EIPR1: variants seen among roughly 807,000 people sequenced by gnomAD.
The protein encoded by EIPR1 is EARP and GARP complex-interacting protein 1.
Under a neutral mutation model 48.1 loss-of-function variants are expected in EIPR1, and 25 were observed. That is an observed-to-expected ratio of 0.52 (90% CI 0.38 to 0.73). The LOEUF is 0.73. Ranked by LOEUF, EIPR1 falls within the 30% of genes least tolerant of loss-of-function variation. The pLI is 0.00. For synonymous variants in EIPR1, 204 were observed against 201.9 expected (o/e 1.01, Z -0.09); for missense variants, 415 against 506.2 (o/e 0.82, Z 1.73).
At chr2:3,330,133 T>G (rs1233626597) in intron 3 of EIPR1, among the ~76,000 whole-genome samples, 1 of 152,244 alleles carries the variant, frequency 6.6e-6, no homozygotes, top group Non-Finnish European at 1.5e-5. Context: ...AGTGAGGAAC[T>G]AAATTCCATT....
In EIPR1 at chr2:3,291,718, T is replaced by C. The variant is rs116194014; in HGVS notation, c.260-34263A>G. Among the ~76,000 whole-genome samples, 1,092 of 152,330 alleles carry C rather than the reference T, an allele frequency of 7.2e-3. 13 individuals carry two copies. The highest frequency in any genetic ancestry group is 0.025 in the African/African-American group (1,054 of 41,564). ...CATCCTTTCTCTCATTTAATCTGTATAATAGACGTGGAAGTTATTACCTTT... is the reference window on the plus strand; with the variant it reads ...CATCCTTTCTCTCATTTAATCTGTACAATAGACGTGGAAGTTATTACCTTT... On this transcript the variant is annotated intron_variant, in intron 3 of 8. Coordinates refer to ENST00000382125, the MANE Select transcript of EIPR1 (RefSeq NM_003310.5).
intron 1 of EIPR1, among the ~76,000 whole-genome samples, chr2:3,355,622 G>A (rs1670703416): frequency 2.0e-5 from 3 of 152,080 alleles, no homozygotes; most frequent in Admixed American, 2.0e-4. Flanking sequence ...AACCAATCTG[G>A]GCAATATAGC....
intron 5 of EIPR1, among the ~76,000 whole-genome samples, chr2:3,200,206 C>T (rs11127384): frequency 0.91 from 138,600 of 152,088 alleles, 63,269 homozygotes; most frequent in East Asian, 0.98. Flanking sequence ...CAGCCCCAAG[C>T]GGATGGCTGC....
intron 4 of EIPR1, among the ~76,000 whole-genome samples, chr2:3,220,203 C>T (rs1011714969): frequency 1.3e-5 from 2 of 152,192 alleles, no homozygotes; most frequent in African/African-American, 4.8e-5. Context: ...TGCCATAGAG[C>T]ATTTACAATG....
intron 1 of EIPR1, among the ~76,000 whole-genome samples, chr2:3,376,807 C>G (rs995650783): frequency 2.0e-5 from 3 of 152,134 alleles, no homozygotes; most frequent in Admixed American, 2.0e-4. Flanking sequence ...CTATCTGTCC[C>G]TCAGTGCTTT....
intron 3 of EIPR1, among the ~76,000 whole-genome samples, chr2:3,309,448 G>A (rs1025498746): frequency 1.3e-5 from 2 of 152,120 alleles, no homozygotes; most frequent in Non-Finnish European, 2.9e-5. Flanking sequence ...GAAACAAAGA[G>A]AACAGAAAAC....
Position 3,192,544 on chromosome 2 carries a change from G to A in EIPR1, c.859C>T (p.Leu287=). Residue 287 remains leucine, a synonymous_variant, in exon 8 of 9, where the codon CTG becomes TTG. Transcript: ENST00000382125. ...NVRYNHSHDQ[L]VLTGSSDSRV... ...CTGTCACTGCTGCCCGTGAGGACCAGCTGGTCATGAGAGTGGTTGTAGCGG... is the reference window on the plus strand; with the variant it reads ...CTGTCACTGCTGCCCGTGAGGACCAACTGGTCATGAGAGTGGTTGTAGCGG... 1 of 1,612,764 alleles carries A rather than the reference G, an allele frequency of 6.2e-7. No homozygotes were observed. The highest frequency in any genetic ancestry group is 8.5e-7 in the Non-Finnish European group (1 of 1,179,800).
intron 3 of EIPR1, chr2:3,261,952 G>A (rs182160432): frequency 1.3e-5 from 2 of 152,336 alleles, no homozygotes; most frequent in African/African-American, 4.8e-5. Context: ...GTGTGGCTTT[G>A]CTGAATTCAC....
At chr2:3,357,836 T>C (rs116582719) in intron 1 of EIPR1, among the ~76,000 whole-genome samples, 2,501 of 152,304 alleles carry the variant, frequency 0.016, 75 homozygotes, top group African/African-American at 0.058. Context: ...CCAAGGAATG[T>C]GGGTGCCTCT....
chr2:3,259,453 A>G (rs1382234280), intron 3 of EIPR1, among the ~76,000 whole-genome samples: 1 of 152,204 alleles, frequency 6.6e-6, no homozygotes, highest in African/African-American at 2.4e-5. Flanking sequence ...CTCTCAGGTA[A>G]GCTACCTCCC....
intron 4 of EIPR1, among the ~76,000 whole-genome samples, chr2:3,255,753 T>C (rs546551424): frequency 6.6e-6 from 1 of 152,184 alleles, no homozygotes; most frequent in African/African-American, 2.4e-5. Flanking sequence ...CTGCGCAGAG[T>C]CTCACTCATC....
intron 3 of EIPR1, among the ~76,000 whole-genome samples, chr2:3,337,103 G>T (rs1451804793): frequency 2.1e-5 from 3 of 144,066 alleles, no homozygotes; most frequent in Non-Finnish European, 4.5e-5. Context: ...AGGGAAAAGG[G>T]AAAGAGATGG....
At position 3,198,457 on chromosome 2, in the gene EIPR1, C is replaced by G. The variant is rs367667734; in HGVS notation, c.517-1440G>C. 2.6e-5 allele frequency among the ~76,000 whole-genome samples: 4 copies of G among 152,208 alleles called. No homozygotes were observed. In the South Asian group the frequency reaches 8.3e-4, roughly 31 times the overall value. On this transcript the variant is annotated intron_variant, in intron 5 of 8. Coordinates refer to ENST00000382125, the MANE Select transcript of EIPR1 (RefSeq NM_003310.5). Reference sequence around the variant, plus strand: ...CAGGAAGAGCCACATCTTCACCTCCCACTCCGAAAGCCTGCTCTGATGCTT... The same window carrying G: ...CAGGAAGAGCCACATCTTCACCTCCGACTCCGAAAGCCTGCTCTGATGCTT...
intron 3 of EIPR1, among the ~76,000 whole-genome samples, chr2:3,303,089 G>A (rs1403413953): frequency 6.6e-6 from 1 of 152,242 alleles, no homozygotes; most frequent in Non-Finnish European, 1.5e-5. Context: ...GACAGCCAGT[G>A]CCCTTGTGTC....
In EIPR1 at chr2:3,218,864, T is replaced by C. The variant is rs200591393; in HGVS notation, c.417-4616A>G. On this transcript the variant is annotated intron_variant, in intron 4 of 8. Coordinates refer to ENST00000382125, the MANE Select transcript of EIPR1 (RefSeq NM_003310.5). The stretch of plus-strand genomic sequence containing the variant: ...GTCAGGTGCACACCCAACATGGCCC[T>C]GATACGCTCTAGAGCTTTCACAGTG... Among the ~76,000 whole-genome samples, 121 of 145,532 alleles carry C rather than the reference T, an allele frequency of 8.3e-4. 2 individuals carry two copies. The South Asian group carries it at 0.02, about 24-fold the overall frequency.
chr2:3,314,152 C>A (rs1225293013), intron 3 of EIPR1, among the ~76,000 whole-genome samples: 1 of 152,196 alleles, frequency 6.6e-6, no homozygotes, highest in Non-Finnish European at 1.5e-5. Context: ...TTCCCGAGGA[C>A]TCTGCGCCAG....
intron 1 of EIPR1, among the ~76,000 whole-genome samples, chr2:3,355,267 G>A (rs992698770): frequency 5.3e-5 from 8 of 152,158 alleles, no homozygotes; most frequent in African/African-American, 1.9e-4. Flanking sequence ...AAAAACCCAA[G>A]CACAGGGCCC....
At chr2:3,268,977 C>T (rs1667581933) in intron 3 of EIPR1, among the ~76,000 whole-genome samples, 1 of 152,186 alleles carries the variant, frequency 6.6e-6, no homozygotes, top group African/African-American at 2.4e-5. Flanking sequence ...CTGTGTGGGG[C>T]CTCTGGGAGG....
At position 3,194,104 on chromosome 2, in the gene EIPR1, T is replaced by C. The variant is rs1664709444; in HGVS notation, c.716A>G (p.Asn239Ser). ...GCAGCTGGCCAAGTAGTACTGCTTA[T>C]TGGGATTAAAGTCAAGGTCCCGCAC... ...QLVRDLDFNP[N>S]KQYYLASCGD... The change falls in exon 7 of 9, where the codon AAT becomes AGT. Residue 239 changes from asparagine to serine, a missense_variant. By Grantham distance (46) the Asn-to-Ser change is conservative (BLOSUM62 1). Coordinates refer to ENST00000382125, the MANE Select transcript of EIPR1 (RefSeq NM_003310.5). 1 of 1,613,984 alleles carries C rather than the reference T, an allele frequency of 6.2e-7. No individual in the cohort carries two copies. The highest frequency in any genetic ancestry group is 8.5e-7 in the Non-Finnish European group (1 of 1,180,006).
Sources: gnomAD v4.1 joint callset for allele counts (sites outside exome capture counted in the v4.1 genomes callset) on GRCh38, gnomAD v4.1.1 for gene constraint, MANE v1.5 for transcripts, NCBI Gene and HGNC (gene_info 2026-07-23, HGNC 2026-07-21) for gene names.